ARNT: variants seen among roughly 807,000 people sequenced by gnomAD.
ARNT encodes the protein aryl hydrocarbon receptor nuclear translocator.
Under a neutral mutation model 105.0 loss-of-function variants are expected in ARNT, and 30 were observed. The observed-to-expected ratio is 0.29, with a 90% CI of 0.21 to 0.39. The LOEUF is 0.39. Ranked by LOEUF, ARNT falls within the 10% of genes least tolerant of loss-of-function variation. The pLI is 1.00. For missense variants in ARNT, 748 were observed against 978.7 expected, an observed-to-expected ratio of 0.76 and a Z score of 3.15; for synonymous variants, 304 against 344.0, an observed-to-expected ratio of 0.88 and a Z score of 1.29.
chr1:150,839,186 C>G (rs150562299), intron 6 of ARNT, among the ~76,000 whole-genome samples: 1 of 152,314 alleles, frequency 6.6e-6, no homozygotes, highest in East Asian at 1.9e-4. Flanking sequence ...TTCCACTGTT[C>G]TTCTTCCATC....
At chr1:150,871,019 C>G (rs587743207) in intron 1 of ARNT, among the ~76,000 whole-genome samples, 1 of 151,870 alleles carries the variant, frequency 6.6e-6, no homozygotes, top group East Asian at 2.0e-4. Context: ...ATAATAAAAA[C>G]TTTAAAACAA....
At chr1:150,817,245 T>C in intron 16 of ARNT, 43 bp from the exon 17 acceptor site, 1 of 1,613,034 alleles carries the variant, frequency 6.2e-7, no homozygotes, top group African/African-American at 1.3e-5. Context: ...AGATTTAACA[T>C]GACAATTCAA....
In ARNT at chr1:150,823,130, G is replaced by A. The variant is rs1452473154; in HGVS notation, c.1394+64C>T. 2.1e-6 allele frequency: 3 copies of A among 1,400,446 alleles called. No homozygotes were observed. In the Admixed American group the frequency reaches 6.7e-5, roughly 31 times the overall value. 86.8% of individuals were successfully genotyped at this position (1,400,446 alleles called of 1,614,324 possible). ...TGTTTACCCCCCACATAGGGCATCAGAAGTGTTTTCTGTTGTGAGAACAGA... is the reference window on the plus strand; with the variant it reads ...TGTTTACCCCCCACATAGGGCATCAAAAGTGTTTTCTGTTGTGAGAACAGA... On this transcript the variant is annotated intron_variant, in intron 14 of 21. Transcript: ENST00000358595.
At chr1:150,853,965 T>C (rs1402887189) in intron 2 of ARNT, among the ~76,000 whole-genome samples, 1 of 152,208 alleles carries the variant, frequency 6.6e-6, no homozygotes, top group African/African-American at 2.4e-5. Flanking sequence ...GAAGTACACA[T>C]ACAGCATCAA....
intron 14 of ARNT, among the ~76,000 whole-genome samples, chr1:150,820,504 A>C (rs1259006211): frequency 6.6e-6 from 1 of 152,110 alleles, no homozygotes; most frequent in Non-Finnish European, 1.5e-5. Flanking sequence ...AAAAAATACA[A>C]AAATTAGCCA....
chr1:150,850,909 T>C (rs1663278343), intron 3 of ARNT, among the ~76,000 whole-genome samples: 1 of 141,368 alleles, frequency 7.1e-6, no homozygotes, highest in Non-Finnish European at 1.5e-5. Flanking sequence ...GTCTGGGAGG[T>C]GAGGAGCGCC....
intron 10 of ARNT, chr1:150,831,598 C>A: frequency 2.0e-6 from 1 of 512,806 alleles, no homozygotes; most frequent in Non-Finnish European, 3.4e-6. Context: ...TGTGACACAG[C>A]CAATACTGAA....
chr1:150,867,207 A>C (rs946657331), intron 1 of ARNT, among the ~76,000 whole-genome samples: 1 of 129,040 alleles, frequency 7.7e-6, no homozygotes, highest in South Asian at 3.1e-4. Context: ...CTGTCTTTAA[A>C]AAAAACAACA....
chr1:150,811,554 T>C lies in ARNT; in HGVS notation c.*467A>G, dbSNP rs1036310931. 3 of 233,538 alleles carry C rather than the reference T, an allele frequency of 1.3e-5. No individual in the cohort carries two copies. Among genetic ancestry groups the C allele is most frequent in the African/African-American group, 6.6e-5 (3 of 45,326 alleles). The allele number at this position is 233,538 out of a possible 1,614,324, so 14.5% of individuals were successfully genotyped here. ...GCTCACAGGCAGCAAAAAGAGCCTA[T>C]GCTCAAACTTGCTAAAGCCCCATAT... On this transcript the variant is annotated 3_prime_UTR_variant, in exon 22 of 22. Coordinates refer to ENST00000358595, the MANE Select transcript of ARNT (RefSeq NM_001668.4).
At chr1:150,850,271 G>A (rs982632846) in intron 3 of ARNT, among the ~76,000 whole-genome samples, 14 of 151,144 alleles carry the variant, frequency 9.3e-5, no homozygotes, top group African/African-American at 2.7e-4. Context: ...CTCTCCCCAC[G>A]GTCTCCCTCT....
At chr1:150,817,610 C>T (rs1656167369) in intron 15 of ARNT, among the ~76,000 whole-genome samples, 177 bp from the exon 16 acceptor site, 1 of 152,094 alleles carries the variant, frequency 6.6e-6, no homozygotes, top group Non-Finnish European at 1.5e-5. Flanking sequence ...GAGTTCGACA[C>T]CAGCCTGGCC....
At chr1:150,872,899 C>T (rs1459772293) in intron 1 of ARNT, among the ~76,000 whole-genome samples, 2 of 152,118 alleles carry the variant, frequency 1.3e-5, no homozygotes, top group African/African-American at 4.8e-5. Flanking sequence ...AAGGTCAAGG[C>T]TGCAGTGAGC....
intron 2 of ARNT, among the ~76,000 whole-genome samples, chr1:150,854,762 C>T (rs1231971063): frequency 6.8e-6 from 1 of 147,902 alleles, no homozygotes; most frequent in Non-Finnish European, 1.5e-5. Flanking sequence ...GAGGCTGAGG[C>T]ATGAGAATTG....
At chr1:150,815,806 G>A (rs1655731074) in intron 19 of ARNT, among the ~76,000 whole-genome samples, 1 of 149,346 alleles carries the variant, frequency 6.7e-6, no homozygotes, top group Admixed American at 6.7e-5. Context: ...AGAGCTTGCA[G>A]TGAGCCAAGA....
At chr1:150,876,180 G>A (rs1001551352) in intron 1 of ARNT, among the ~76,000 whole-genome samples, 4 of 152,252 alleles carry the variant, frequency 2.6e-5, no homozygotes, top group Admixed American at 2.6e-4. Flanking sequence ...TCTGCCTACA[G>A]TTTTCGGCAT....
At chr1:150,820,020 T>C (rs929077344) in intron 14 of ARNT, among the ~76,000 whole-genome samples, 2 of 152,152 alleles carry the variant, frequency 1.3e-5, no homozygotes, top group African/African-American at 4.8e-5. Flanking sequence ...AAGAGGAGGA[T>C]GTAGCTATGC....
intron 4 of ARNT, among the ~76,000 whole-genome samples, chr1:150,845,485 A>G (rs946271736): frequency 2.6e-5 from 4 of 151,860 alleles, no homozygotes; most frequent in Non-Finnish European, 5.9e-5. Flanking sequence ...GCAAATGCCC[A>G]TATTCCCAGC....
intron 8 of ARNT, 109 bp downstream of exon 8, chr1:150,834,429 G>A (rs1049196838): frequency 1.9e-6 from 2 of 1,031,312 alleles, no homozygotes; most frequent in Non-Finnish European, 3.0e-6. Flanking sequence ...TGGGTATGGA[G>A]AGTTAAATTT....
chr1:150,834,819 A>G (rs964875172), intron 7 of ARNT, 179 bp from the exon 8 acceptor site: 1 of 524,910 alleles, frequency 1.9e-6, no homozygotes, highest in Non-Finnish European at 3.5e-6. Context: ...TTCAATTATC[A>G]TCAATGAATC....
Sources: allele counts gnomAD v4.1 joint callset (sites outside exome capture counted in the v4.1 genomes callset), GRCh38; gene constraint gnomAD v4.1.1; transcripts MANE v1.5; gene names NCBI Gene and HGNC (gene_info 2026-07-23, HGNC 2026-07-21).